Variants in UGT3A2 observed in about 807,000 individuals in gnomAD.
UGT3A2 encodes UDP glycosyltransferase family 3 member A2, also known as UDP-glycosyltransferase 3A2.
UGT3A2 carries 32 observed loss-of-function variants against 39.8 expected under a neutral mutation model. That is an observed-to-expected ratio of 0.80 (90% CI 0.61 to 1.08). UGT3A2 has a LOEUF of 1.08. UGT3A2 is among the 50% of genes least tolerant of loss of function. The pLI is 0.00. For synonymous variants in UGT3A2, 241 were observed against 230.7 expected (o/e 1.04, Z -0.40); for missense variants, 611 against 637.1 (o/e 0.96, Z 0.44).
chr5:36,061,442 C>T (rs1297198009), intron 2 of UGT3A2, among the ~76,000 whole-genome samples: 2 of 139,950 alleles, frequency 1.4e-5, no homozygotes, highest in Admixed American at 1.5e-4. Flanking sequence ...TTCCTGTGTC[C>T]ATGTGATCTC....
At chr5:36,061,018 C>T (rs750814871) in intron 2 of UGT3A2, among the ~76,000 whole-genome samples, 9 of 152,022 alleles carry the variant, frequency 5.9e-5, no homozygotes, top group South Asian at 2.1e-4. Context: ...ATTAGCCAGG[C>T]GTGGTGCCCC....
intron 3 of UGT3A2, among the ~76,000 whole-genome samples, chr5:36,050,080 G>T (rs1287270): frequency 0.47 from 70,206 of 149,454 alleles, 16,724 homozygotes; most frequent in Non-Finnish European, 0.5. Flanking sequence ...CTTTATTATT[G>T]ACTTTTATTC....
intron 6 of UGT3A2, 92 bp from the exon 7 acceptor site, chr5:36,036,066 G>A: frequency 1.4e-6 from 2 of 1,462,368 alleles, no homozygotes; most frequent in East Asian, 2.3e-5. Flanking sequence ...CAAAGACTGA[G>A]TTCCAAGGAA....
At chr5:36,036,987 T>A (rs969403310) in intron 6 of UGT3A2, among the ~76,000 whole-genome samples, 1 of 152,222 alleles carries the variant, frequency 6.6e-6, no homozygotes, top group Non-Finnish European at 1.5e-5. Context: ...TCATTAACCA[T>A]TTACTTTGTG....
chr5:36,040,405 C>CA (rs926562257), intron 4 of UGT3A2, among the ~76,000 whole-genome samples: 29 of 150,506 alleles, frequency 1.9e-4, no homozygotes, highest in South Asian at 6.3e-4. Context: ...TTCATAAGAA[C>CA]AAAAAAAAAT....
At position 36,035,713 on chromosome 5, in the gene UGT3A2, C is replaced by A; in HGVS notation, c.1557G>T (p.Lys519Asn). 1 of 1,614,114 alleles carries A rather than the reference C, an allele frequency of 6.2e-7. No individual in the cohort carries two copies. The highest frequency in any genetic ancestry group is 8.5e-7 in the Non-Finnish European group (1 of 1,179,986). ...GCACCTGGCCTTATGTCTCCTTCAC[C>A]TTTCTGGCCCCACGCAGCCACCAGA... The part of the protein sequence containing the change: ...MAVWWLRGAR[K>N]VKET Residue 519 changes from lysine to asparagine, a missense_variant, in exon 7 of 7, where the codon AAG (lysine) becomes AAT (asparagine). Lys to Asn is a moderately conservative substitution (Grantham distance 94, BLOSUM62 0). Transcript: ENST00000282507.
intron 4 of UGT3A2, among the ~76,000 whole-genome samples, chr5:36,046,272 A>G (rs1036232387): frequency 2.0e-5 from 3 of 152,230 alleles, no homozygotes; most frequent in Admixed American, 1.3e-4. Context: ...TACACCCAAA[A>G]GAAAAGAAGT....
intron 5 of UGT3A2, among the ~76,000 whole-genome samples, chr5:36,038,842 C>T (rs1171670258): frequency 1.3e-5 from 2 of 152,240 alleles, no homozygotes; most frequent in East Asian, 3.8e-4. Flanking sequence ...TCTATGGCAG[C>T]ACAGAGCACA....
chr5:36,042,571 A>G (rs981576843), intron 4 of UGT3A2, among the ~76,000 whole-genome samples: 28 of 152,122 alleles, frequency 1.8e-4, no homozygotes, highest in African/African-American at 6.3e-4. Flanking sequence ...AACAGACTAA[A>G]CTCTCCAATC....
chr5:36,044,685 C>T (rs905227528), intron 4 of UGT3A2, among the ~76,000 whole-genome samples: 1 of 152,008 alleles, frequency 6.6e-6, no homozygotes, highest in Non-Finnish European at 1.5e-5. Context: ...TATATGCCAA[C>T]AGTGAATAAT....
At chr5:36,045,378 T>C (rs1327236195) in intron 4 of UGT3A2, among the ~76,000 whole-genome samples, 2 of 151,818 alleles carry the variant, frequency 1.3e-5, no homozygotes, top group Non-Finnish European at 1.5e-5. Context: ...CTGAGGCAGG[T>C]GGATCACCTG....
chr5:36,062,105 T>A (rs908059542), intron 2 of UGT3A2, among the ~76,000 whole-genome samples: 3 of 151,976 alleles, frequency 2.0e-5, no homozygotes, highest in African/African-American at 7.3e-5. Context: ...TTTTTTCTTG[T>A]AAATTTGTTT....
At chr5:36,040,450 A>G (rs1357952980) in intron 4 of UGT3A2, among the ~76,000 whole-genome samples, 1 of 152,204 alleles carries the variant, frequency 6.6e-6, no homozygotes, top group Non-Finnish European at 1.5e-5. Context: ...TTTTAACATC[A>G]TACCGAGGAA....
chr5:36,047,685 G>T (rs1742209451), intron 4 of UGT3A2, among the ~76,000 whole-genome samples: 2 of 152,118 alleles, frequency 1.3e-5, no homozygotes, highest in South Asian at 4.1e-4. Flanking sequence ...TTGTCTCACA[G>T]CCATTACAAC....
At chr5:36,053,478 C>T (rs1018780511) in intron 2 of UGT3A2, among the ~76,000 whole-genome samples, 3 of 152,116 alleles carry the variant, frequency 2.0e-5, no homozygotes, top group Non-Finnish European at 4.4e-5. Flanking sequence ...TGCATAGGAA[C>T]CCCTGTAACA....
chr5:36,036,466 C>T (rs114900355), intron 6 of UGT3A2, among the ~76,000 whole-genome samples: 1,689 of 152,236 alleles, frequency 0.011, 13 homozygotes, highest in African/African-American at 0.038. Flanking sequence ...TTCACCATGT[C>T]GAAGTTCTCA....
chr5:36,039,528 G>A lies in UGT3A2; in HGVS notation c.1024C>T (p.Leu342=). ...QCSHWPKDVH[L]AANVKIVDWL... is the part of the protein sequence containing the mutation. ...TCCACAATTTTCACATTTGCAGCCA[G>A]GTGGACATCTTTGGGCCAATGAGAA... The change falls in exon 5 of 7, where the codon CTG becomes TTG. Residue 342 remains leucine (L), a synonymous_variant. Coordinates refer to ENST00000282507, the MANE Select transcript of UGT3A2 (RefSeq NM_174914.4). The A allele has an allele frequency of 6.2e-7, 1 of 1,614,184 alleles. No homozygotes were observed. Among genetic ancestry groups the A allele is most frequent in the South Asian group, 1.1e-5 (1 of 91,082 alleles).
intron 2 of UGT3A2, among the ~76,000 whole-genome samples, chr5:36,058,706 G>A (rs572489111): frequency 4.6e-5 from 7 of 152,264 alleles, no homozygotes; most frequent in Middle Eastern, 3.4e-3. Context: ...CACTAGAAAC[G>A]GGGAGCTCTT....
chr5:36,043,772 C>T (rs1742083296), intron 4 of UGT3A2, among the ~76,000 whole-genome samples: 1 of 152,036 alleles, frequency 6.6e-6, no homozygotes, highest in South Asian at 2.1e-4. Flanking sequence ...TGAATACATT[C>T]CTAAACACAT....
Sources: allele counts gnomAD v4.1 joint callset (sites outside exome capture counted in the v4.1 genomes callset), GRCh38; gene constraint gnomAD v4.1.1; transcripts MANE v1.5; gene names NCBI Gene and HGNC (gene_info 2026-07-23, HGNC 2026-07-21).